ARHGAP6: variants seen among roughly 807,000 people sequenced by gnomAD.
ARHGAP6 encodes rho GTPase-activating protein 6.
A neutral mutation model predicts 55.7 loss-of-function variants in ARHGAP6; 16 were observed. That is an observed-to-expected ratio of 0.29 (90% CI 0.19 to 0.44). The LOEUF (loss-of-function observed/expected upper bound fraction) is 0.44, where lower values mean the gene tolerates loss of function less well. Among genes scored for constraint, ARHGAP6 ranks in the 20% least tolerant of loss-of-function variants. The pLI, the probability that ARHGAP6 is intolerant of heterozygous loss-of-function variation, is 1.00. For missense variants in ARHGAP6, 698 were observed against 808.9 expected, an observed-to-expected ratio of 0.86 and a Z score of 1.66; for synonymous variants, 382 against 360.9, an observed-to-expected ratio of 1.06 and a Z score of -0.66.
At chrX:11,485,737 G>A (rs1284248815) in intron 1 of ARHGAP6, among the ~76,000 whole-genome samples, 1 of 111,967 alleles carries the variant, frequency 8.9e-6, no homozygotes, top group Non-Finnish European at 1.9e-5. Context: ...GGTAGGATCA[G>A]TGAGCCCAGT....
intron 1 of ARHGAP6, among the ~76,000 whole-genome samples, chrX:11,559,710 G>A (rs1349112952): frequency 4.5e-5 from 5 of 110,074 alleles, no homozygotes; most frequent in African/African-American, 1.3e-4. Flanking sequence ...GGTGGATCAC[G>A]AGGTCAGGAG....
At chrX:11,156,692 A>C (rs1413219463) in intron 9 of ARHGAP6, 66 bp from the exon 10 acceptor site, 1 of 854,604 alleles carries the variant, frequency 1.2e-6, no homozygotes, top group Non-Finnish European at 1.7e-6. Context: ...ATGGTCACTG[A>C]CAATTTTACT....
intron 1 of ARHGAP6, among the ~76,000 whole-genome samples, chrX:11,540,486 A>C (rs1194661476): frequency 3.6e-5 from 4 of 110,781 alleles, no homozygotes; most frequent in Admixed American, 9.6e-5. Flanking sequence ...TAGAGAGCAG[A>C]GTTCCACAAG....
chrX:11,364,228 G>A (rs2049047025), intron 1 of ARHGAP6, among the ~76,000 whole-genome samples: 1 of 109,881 alleles, frequency 9.1e-6, no homozygotes, highest in South Asian at 3.9e-4. Context: ...AGGAGAGTGA[G>A]GATCGAAAAA....
At chrX:11,263,641 G>C (rs2047589005) in intron 1 of ARHGAP6, among the ~76,000 whole-genome samples, 1 of 111,205 alleles carries the variant, frequency 9.0e-6, no homozygotes, top group African/African-American at 3.3e-5. Flanking sequence ...CAACCCTTAA[G>C]GAGGTGAGGG....
rs368244450 is a variant in ARHGAP6, at chrX:11,188,977, G to A, written c.828C>T (p.Ile276=). The part of the protein sequence containing the change: ...GKEKNKDKEF[I]PQAFGMPLSQ... Reference sequence around the variant, plus strand: ...ATAAGGGCATTCCAAATGCCTGTGGGATGAATTCTGGAATCAAAAAACAGA... The same window carrying A: ...ATAAGGGCATTCCAAATGCCTGTGGAATGAATTCTGGAATCAAAAAACAGA... The change falls in exon 4 of 13, where the codon ATC becomes ATT. Residue 276 remains isoleucine (I), a synonymous_variant. Transcript: ENST00000337414. 3.3e-6 allele frequency: 4 copies of A among 1,206,086 alleles called. No homozygotes were observed. In the African/African-American group the frequency reaches 5.3e-5, roughly 16 times the overall value.
At chrX:11,281,687 G>C (rs979418320) in intron 1 of ARHGAP6, among the ~76,000 whole-genome samples, 2 of 111,235 alleles carry the variant, frequency 1.8e-5, no homozygotes, top group African/African-American at 6.5e-5. Context: ...ATTTAACAGG[G>C]AGATCTGGGG....
At chrX:11,156,075 G>T (rs1392282286) in intron 10 of ARHGAP6, among the ~76,000 whole-genome samples, 1 of 112,256 alleles carries the variant, frequency 8.9e-6, no homozygotes, top group Non-Finnish European at 1.9e-5. Context: ...ATTTCAAATG[G>T]GCACCTAGGC....
chrX:11,478,116 A>T (rs765299834), intron 1 of ARHGAP6, among the ~76,000 whole-genome samples: 8 of 112,103 alleles, frequency 7.1e-5, no homozygotes, highest in African/African-American at 2.6e-4. Context: ...ACTCCTGTAC[A>T]TTGATGGAAA....
At chrX:11,301,221 A>G (rs764063679) in intron 1 of ARHGAP6, among the ~76,000 whole-genome samples, 1 of 112,214 alleles carries the variant, frequency 8.9e-6, no homozygotes, top group Admixed American at 9.4e-5. Flanking sequence ...TGATATGCAT[A>G]ATAATGTACT....
chrX:11,508,691 G>C (rs1225647924), intron 1 of ARHGAP6, among the ~76,000 whole-genome samples: 3 of 109,489 alleles, frequency 2.7e-5, no homozygotes, highest in Non-Finnish European at 5.7e-5. Flanking sequence ...GTCTTCCACT[G>C]TATGCCTCCT....
At chrX:11,630,535 G>A (rs897256214) in intron 1 of ARHGAP6, among the ~76,000 whole-genome samples, 2 of 112,308 alleles carry the variant, frequency 1.8e-5, no homozygotes, top group Non-Finnish European at 3.8e-5. Context: ...GTTCACAAAT[G>A]TATGTCTACT....
intron 1 of ARHGAP6, among the ~76,000 whole-genome samples, chrX:11,632,184 G>C (rs891940074): frequency 8.9e-6 from 1 of 112,376 alleles, no homozygotes; most frequent in Non-Finnish European, 1.9e-5. Context: ...AAACATGCAG[G>C]TATTTGCTGC....
intron 1 of ARHGAP6, among the ~76,000 whole-genome samples, chrX:11,528,500 T>C (rs923903187): frequency 2.7e-5 from 3 of 111,927 alleles, no homozygotes; most frequent in Non-Finnish European, 5.6e-5. Flanking sequence ...ACCAAAAGGG[T>C]TGCCTAGCAG....
chrX:11,427,833 G>C, intron 1 of ARHGAP6: 1 of 609,246 alleles, frequency 1.6e-6, no homozygotes, highest in Non-Finnish European at 2.0e-6. Flanking sequence ...AGGAGGAGGA[G>C]GAGGAGGAGG....
chrX:11,503,952 T>C (rs2050706128), intron 1 of ARHGAP6, among the ~76,000 whole-genome samples: 2 of 111,719 alleles, frequency 1.8e-5, no homozygotes, highest in African/African-American at 6.5e-5. Context: ...TATTTTCTTA[T>C]ACAATGTCCC....
chrX:11,519,443 G>A (rs1280388282), intron 1 of ARHGAP6, among the ~76,000 whole-genome samples: 1 of 106,774 alleles, frequency 9.4e-6, no homozygotes. Flanking sequence ...CTTTTGAGAA[G>A]TGTCTGTTCA....
chrX:11,202,799 C>CAAAAAAAAAAAA lies in ARHGAP6; in HGVS notation c.749-5815_749-5804dup, dbSNP rs776633959. 9.5e-4 allele frequency among the ~76,000 whole-genome samples: 9 copies of CAAAAAAAAAAAA among 9,453 alleles called. 1 individual carries two copies. The highest frequency in any genetic ancestry group is 1.3e-3 in the African/African-American group (3 of 2,300). 8.2% of individuals were successfully genotyped at this position (9,453 alleles called of 115,157 possible). A position where few individuals can be genotyped will look rare whatever the true frequency, so the allele number is the denominator to read the frequency against. ...TGGGTGACAGAGCAAGACTCCGTCTCAAAAAAAAAAAAAAAAAAAAAAAAA... is the reference window on the plus strand; with the variant it reads ...TGGGTGACAGAGCAAGACTCCGTCTCAAAAAAAAAAAAAAAAAAAAAAAAAAAAAAAAAAAAA... On this transcript the variant is annotated intron_variant, in intron 2 of 12. Coordinates refer to ENST00000337414, the MANE Select transcript of ARHGAP6 (RefSeq NM_013427.3).
At chrX:11,400,773 A>G (rs1200591028) in intron 1 of ARHGAP6, among the ~76,000 whole-genome samples, 4 of 112,061 alleles carry the variant, frequency 3.6e-5, no homozygotes, top group Non-Finnish European at 7.5e-5. Flanking sequence ...ACTGTATGAT[A>G]CTCATGCTGT....
Sources: allele counts gnomAD v4.1 joint callset (sites outside exome capture counted in the v4.1 genomes callset), GRCh38; gene constraint gnomAD v4.1.1; transcripts MANE v1.5; gene names NCBI Gene and HGNC (gene_info 2026-07-23, HGNC 2026-07-21).